Variants in EP300 observed in about 807,000 individuals in gnomAD.
EP300 encodes the protein EP300 lysine acetyltransferase.
Under a neutral mutation model 264.0 loss-of-function variants are expected in EP300, and 31 were observed. The observed-to-expected ratio is 0.12, with a 90% CI of 0.09 to 0.16. The LOEUF is 0.16. EP300 is among the 10% of genes least tolerant of loss of function. The pLI is 1.00. For synonymous variants in EP300, 1,340 were observed against 1,045.4 expected (o/e 1.28, Z -5.44); for missense variants, 2,766 against 3,052.9 (o/e 0.91, Z 2.21).
At position 41,173,800 on chromosome 22, in the gene EP300, C is replaced by G. The variant is rs2059184513; in HGVS notation, c.4779+16C>G. 6.2e-7 allele frequency: 1 copy of G among 1,613,782 alleles called. No individual in the cohort carries two copies. ...GCATAAAGAGGTAAGATGCAGCCAC[C>G]CAGAGTTGGGGAAAAACGGCAAGAT... On this transcript the variant is annotated intron_variant, in intron 29 of 30. Transcript: ENST00000263253.
chr22:41,094,564 A>AT (rs534542638), intron 1 of EP300, among the ~76,000 whole-genome samples: 9 of 152,228 alleles, frequency 5.9e-5, no homozygotes, highest in African/African-American at 9.6e-5. Context: ...GTCTCCAGGG[A>AT]TTTTTTTAGC....
intron 13 of EP300, 70 bp downstream of exon 13, chr22:41,149,245 GGA>G: frequency 1.3e-6 from 2 of 1,579,062 alleles, no homozygotes; most frequent in African/African-American, 1.3e-5. Flanking sequence ...GGTTTTTATA[GGA>G]GAGAGTGGCA....
At chr22:41,130,473 G>C (rs1428498956) in intron 5 of EP300, among the ~76,000 whole-genome samples, 1 of 152,036 alleles carries the variant, frequency 6.6e-6, no homozygotes, top group African/African-American at 2.4e-5. Context: ...AGGCTGTAGT[G>C]AGCTATGATT....
intron 28 of EP300, 101 bp downstream of exon 28, chr22:41,172,764 A>G: frequency 7.9e-7 from 1 of 1,263,546 alleles, no homozygotes; most frequent in Non-Finnish European, 1.1e-6. Context: ...TTTCAGGTGT[A>G]AAAGAGCTCT....
rs749993252 is a variant in EP300, at chr22:41,178,302, A to G, written c.6591A>G (p.Ala2197=). The G allele has an allele frequency of 1.2e-6, 2 of 1,614,076 alleles. No homozygotes were observed. The highest frequency in any genetic ancestry group is 1.3e-5 in the African/African-American group (1 of 74,926). The change falls in exon 31 of 31, where the codon GCA becomes GCG. Residue 2197 remains alanine, a synonymous_variant. Transcript: ENST00000263253. ...TGCAACAGCAGCAGCAACAGGGAGC[A>G]GGGCCAGGAATAGGCCCTGGAATGG... The part of the protein sequence containing the change: ...QMMQQQQQQG[A]GPGIGPGMAN...
intron 29 of EP300, 60 bp downstream of exon 29, chr22:41,173,844 G>T: frequency 6.2e-7 from 1 of 1,601,230 alleles, no homozygotes; most frequent in Non-Finnish European, 8.6e-7. Flanking sequence ...AGGCATGGTG[G>T]CTCACACCTG....
At chr22:41,153,562 C>G (rs2059059363) in intron 16 of EP300, among the ~76,000 whole-genome samples, 1 of 151,984 alleles carries the variant, frequency 6.6e-6, no homozygotes, top group African/African-American at 2.4e-5. Flanking sequence ...CCAGCCTGGC[C>G]AATATGGTGA....
At position 41,103,774 on chromosome 22, in the gene EP300, T is replaced by C. The variant is rs561377681; in HGVS notation, c.94+10676T>C. ...TTTATCTTAGCATCAGGATAAGAATTGTATGAGCAGGGGAGTGACATGGTT... is the reference window on the plus strand; with the variant it reads ...TTTATCTTAGCATCAGGATAAGAATCGTATGAGCAGGGGAGTGACATGGTT... On this transcript the variant is annotated intron_variant, in intron 1 of 30. Transcript: ENST00000263253. Among the ~76,000 whole-genome samples, 21 of 152,276 alleles carry C rather than the reference T, an allele frequency of 1.4e-4. No individual in the cohort carries two copies. In the East Asian group the frequency reaches 4.0e-3, roughly 29 times the overall value.
At chr22:41,134,898 TTTTCTTTC>T (rs58117147) in intron 6 of EP300, among the ~76,000 whole-genome samples, 261 of 151,764 alleles carry the variant, frequency 1.7e-3, no homozygotes, top group Non-Finnish European at 3.2e-3. Flanking sequence ...AGCATTGCTT[TTTTCTTTC>T]TTTCTTTCTT....
At chr22:41,137,086 C>T (rs529340568) in intron 7 of EP300, among the ~76,000 whole-genome samples, 1 of 151,568 alleles carries the variant, frequency 6.6e-6, no homozygotes, top group South Asian at 2.1e-4. Flanking sequence ...TGGCTGGGCT[C>T]AGTGGCTCAC....
chr22:41,151,740 A>G (rs1276290036), intron 14 of EP300, 93 bp from the exon 15 acceptor site: 1 of 1,303,986 alleles, frequency 7.7e-7, no homozygotes, highest in Admixed American at 1.7e-5. Flanking sequence ...ATAGGTGGCT[A>G]ATTCTGCTAT....
At chr22:41,100,752 A>G (rs2058727349) in intron 1 of EP300, among the ~76,000 whole-genome samples, 1 of 152,160 alleles carries the variant, frequency 6.6e-6, no homozygotes, top group Non-Finnish European at 1.5e-5. Flanking sequence ...TCCCCTTTAT[A>G]TCAGGGACTG....
rs1327511041 is a variant in EP300, at chr22:41,178,468, G to A, written c.6757G>A (p.Ala2253Thr). The A allele has an allele frequency of 6.2e-7, 1 of 1,614,066 alleles. No individual in the cohort carries two copies. Among genetic ancestry groups the A allele is most frequent in the East Asian group, 2.2e-5 (1 of 44,862 alleles). Residue 2253 changes from alanine to threonine, a missense_variant, in exon 31 of 31, where the codon GCA (alanine) becomes ACA (threonine). Ala to Thr is a moderately conservative substitution (Grantham distance 58). Coordinates refer to ENST00000263253, the MANE Select transcript of EP300 (RefSeq NM_001429.4). ...GCTTCCCCAGGCCTTGGGAGCAGAG[G>A]CAGGTGCCAGTCTACAGGCCTATCA... ...GQLPQALGAEAGASLQAYQQR... is the reference protein window; with the variant it reads ...GQLPQALGAETGASLQAYQQR...
intron 25 of EP300, 116 bp downstream of exon 25, chr22:41,168,983 A>T: frequency 7.1e-7 from 1 of 1,415,956 alleles, no homozygotes; most frequent in Non-Finnish European, 9.9e-7. Flanking sequence ...GAAATGCAAA[A>T]TCTCAAGTGT....
Position 41,127,666 on chromosome 22 carries a change from G to T in EP300, c.1086G>T (p.Arg362Ser). The T allele has an allele frequency of 1.2e-6, 2 of 1,614,190 alleles. No homozygotes were observed. The highest frequency in any genetic ancestry group is 1.7e-6 in the Non-Finnish European group (2 of 1,180,030). ...QRREQANGEV[R>S]QCNLPHCRTM... ...GGGAACAGGCCAATGGGGAAGTGAG[G>T]CAGTGCAACCTTCCCCACTGTCGCA... is the stretch of plus-strand genomic sequence containing the variant. Residue 362 changes from arginine to serine, a missense_variant, in exon 4 of 31, where the codon AGG becomes AGT. Physicochemically the swap from Arg to Ser is moderately radical, Grantham distance 110. Transcript: ENST00000263253.
Position 41,168,545 on chromosome 22 carries a change from G to A in EP300, c.3971G>A (p.Arg1324Lys), listed in dbSNP as rs1487546042. 10 of 1,614,210 alleles carry A rather than the reference G, an allele frequency of 6.2e-6. No homozygotes were observed. Among genetic ancestry groups the A allele is most frequent in the Non-Finnish European group, 8.5e-6 (10 of 1,180,034 alleles). ...NHPESGEVTV[R>K]VVHASDKTVE... Reference sequence around the variant, plus strand: ...CCTGAGTCAGGAGAGGTCACTGTTAGAGTAGTTCATGCTTCTGACAAAACC... The same window carrying A: ...CCTGAGTCAGGAGAGGTCACTGTTAAAGTAGTTCATGCTTCTGACAAAACC... The change falls in exon 24 of 31, where the codon AGA (arginine) becomes AAA (lysine). Residue 1324 changes from arginine (R) to lysine (K), a missense_variant. Coordinates refer to ENST00000263253, the MANE Select transcript of EP300 (RefSeq NM_001429.4).
intron 6 of EP300, among the ~76,000 whole-genome samples, chr22:41,134,428 C>T (rs147923874): frequency 1.1e-4 from 16 of 152,100 alleles, no homozygotes; most frequent in Non-Finnish European, 1.9e-4. Flanking sequence ...GACTGGGTCT[C>T]GCTGTGTCAC....
chr22:41,128,000 C>A (rs1423512645), intron 4 of EP300, among the ~76,000 whole-genome samples: 1 of 152,060 alleles, frequency 6.6e-6, no homozygotes, highest in Non-Finnish European at 1.5e-5. Flanking sequence ...CCAGCCTGGA[C>A]AACATAGCAA....
intron 23 of EP300, 36 bp downstream of exon 23, chr22:41,166,702 C>T (rs1309632514): frequency 1.4e-6 from 2 of 1,451,632 alleles, no homozygotes; most frequent in Admixed American, 1.7e-5. Context: ...TTTGGCAAAA[C>T]TTATCTGAAG....
Sources: allele counts gnomAD v4.1 joint callset (sites outside exome capture counted in the v4.1 genomes callset), GRCh38; gene constraint gnomAD v4.1.1; transcripts MANE v1.5; gene names NCBI Gene and HGNC (gene_info 2026-07-23, HGNC 2026-07-21).